R3HDM1: variants seen among roughly 807,000 people sequenced by gnomAD.
R3HDM1 encodes the protein R3H domain-containing protein 1.
In R3HDM1, 46 loss-of-function variants were observed where a neutral mutation model predicts 141.1. The ratio of observed to expected loss-of-function variants is 0.33; its 90% confidence interval spans 0.26 to 0.42. The LOEUF (loss-of-function observed/expected upper bound fraction) is 0.42, where lower values mean the gene tolerates loss of function less well. Among genes scored for constraint, R3HDM1 ranks in the 10% least tolerant of loss-of-function variants. The pLI, the probability that R3HDM1 is intolerant of heterozygous loss-of-function variation, is 1.00. For missense variants in R3HDM1, 1,184 were observed against 1,368.3 expected (o/e 0.87, Z 2.12); for synonymous variants, 435 against 472.9 (o/e 0.92, Z 1.04).
chr2:135,666,544 G>A (rs1314384848), intron 19 of R3HDM1, among the ~76,000 whole-genome samples: 1 of 152,142 alleles, frequency 6.6e-6, no homozygotes, highest in African/African-American at 2.4e-5. Flanking sequence ...GAAATCTGGA[G>A]CCAAATATAT....
intron 5 of R3HDM1, among the ~76,000 whole-genome samples, chr2:135,618,467 T>TTTC (rs2061262565): frequency 6.7e-6 from 1 of 148,768 alleles, no homozygotes; most frequent in African/African-American, 2.5e-5. Context: ...CGGCTGATTT[T>TTTC]TTTTTTTTTT....
chr2:135,583,919 A>T, intron 1 of R3HDM1: 1 of 985,448 alleles, frequency 1.0e-6, no homozygotes, highest in Non-Finnish European at 1.2e-6. Context: ...TTTTTACCTT[A>T]TAACCACAGT....
At chr2:135,603,604 G>GT (rs993300145) in intron 2 of R3HDM1, among the ~76,000 whole-genome samples, 3 of 151,778 alleles carry the variant, frequency 2.0e-5, no homozygotes, top group Non-Finnish European at 2.9e-5. Flanking sequence ...CCATTATTGG[G>GT]TTTTTTTGTT....
At chr2:135,602,474 A>G in intron 1 of R3HDM1, 26 bp from the exon 2 acceptor site, 1 of 1,245,158 alleles carries the variant, frequency 8.0e-7, no homozygotes, top group Non-Finnish European at 1.0e-6. Context: ...ATTTTGTTAA[A>G]ATGGTTTCTT....
chr2:135,688,755 G>A (rs1424609753), intron 21 of R3HDM1, among the ~76,000 whole-genome samples: 1 of 152,114 alleles, frequency 6.6e-6, no homozygotes, highest in Non-Finnish European at 1.5e-5. Flanking sequence ...GGCCAACATG[G>A]TGAAACACCA....
chr2:135,684,252 G>A (rs532435463), intron 21 of R3HDM1, among the ~76,000 whole-genome samples: 2 of 151,912 alleles, frequency 1.3e-5, no homozygotes, highest in Admixed American at 6.6e-5. Context: ...CACTACGCCC[G>A]GCTAATTTTT....
rs1707317889 is a variant in R3HDM1, at chr2:135,583,914, A to G, written c.-249-18586A>G. The G allele has an allele frequency of 5.1e-6, 5 of 985,314 alleles. No individual in the cohort carries two copies. The Admixed American group carries it at 3.1e-4, about 61-fold the overall frequency. The allele number at this position is 985,314 out of a possible 1,614,324, so 61.0% of individuals were successfully genotyped here. On this transcript the variant is annotated intron_variant, in intron 1 of 26. Transcript: ENST00000683871. Reference sequence around the variant, plus strand: ...TCATTCAGATGGGTATTATCTTTTTACCTTATAACCACAGTTAAACCCTGT... The same window carrying G: ...TCATTCAGATGGGTATTATCTTTTTGCCTTATAACCACAGTTAAACCCTGT...
chr2:135,624,473 G>A (rs1467063127), intron 7 of R3HDM1, among the ~76,000 whole-genome samples: 1 of 151,950 alleles, frequency 6.6e-6, no homozygotes, highest in Non-Finnish European at 1.5e-5. Context: ...ACTATCGTCA[G>A]CAAGGGATAA....
intron 5 of R3HDM1, among the ~76,000 whole-genome samples, chr2:135,618,458 G>A (rs1308866771): frequency 2.2e-5 from 3 of 136,168 alleles, no homozygotes; most frequent in South Asian, 2.6e-4. Flanking sequence ...CACCGCGCCC[G>A]GCTGATTTTT....
intron 19 of R3HDM1, chr2:135,666,999 C>A: frequency 3.5e-6 from 2 of 576,732 alleles, no homozygotes; most frequent in Non-Finnish European, 4.4e-6. Context: ...TTAATAGGTA[C>A]TATTAAGTGA....
In R3HDM1 at chr2:135,577,421, A is replaced by G. The variant is rs1326665223; in HGVS notation, c.-249-25079A>G. ...TCTTAATAATTAAATGACCAAAAAA[A>G]AAAAAAAAAAAAAAAAAAAGCCTTG... On this transcript the variant is annotated intron_variant, in intron 1 of 26. Coordinates refer to ENST00000683871, the MANE Select transcript of R3HDM1 (RefSeq NM_001378107.1). 1.0e-4 allele frequency among the ~76,000 whole-genome samples: 15 copies of G among 146,830 alleles called. No homozygotes were observed. In the East Asian group the frequency reaches 2.4e-3, roughly 24 times the overall value.
chr2:135,643,707 A>G (rs1319622723), intron 15 of R3HDM1, among the ~76,000 whole-genome samples: 1 of 152,252 alleles, frequency 6.6e-6, no homozygotes, highest in Non-Finnish European at 1.5e-5. Context: ...ACATGGAATC[A>G]ACCTAAATGC....
intron 21 of R3HDM1, among the ~76,000 whole-genome samples, chr2:135,685,751 G>A (rs185331792): frequency 2.6e-5 from 4 of 152,222 alleles, no homozygotes; most frequent in Admixed American, 2.0e-4. Flanking sequence ...TTAAATATTA[G>A]TTATTAGGTG....
In R3HDM1 at chr2:135,636,309, T is replaced by A. The variant is rs2063240899; in HGVS notation, c.903+126T>A. On this transcript the variant is annotated intron_variant, in intron 11 of 26. Coordinates refer to ENST00000683871, the MANE Select transcript of R3HDM1 (RefSeq NM_001378107.1). ...CACATTTGTTGCACATAAGGTCATC[T>A]TTTAGAAATATTGAGATCAGTTTTG... 1.4e-5 allele frequency: 20 copies of A among 1,400,174 alleles called. No individual in the cohort carries two copies. The South Asian group carries it at 3.4e-4, about 24-fold the overall frequency. The allele number at this position is 1,400,174 out of a possible 1,614,324, so 86.7% of individuals were successfully genotyped here.
intron 1 of R3HDM1, chr2:135,543,156 G>A (rs1697983103): frequency 2.2e-6 from 2 of 890,140 alleles, no homozygotes; most frequent in Admixed American, 6.2e-5. Flanking sequence ...TGTGTATGGT[G>A]TGAGATAGGG....
At chr2:135,569,551 G>C (rs1703579024) in intron 1 of R3HDM1, among the ~76,000 whole-genome samples, 1 of 151,956 alleles carries the variant, frequency 6.6e-6, no homozygotes, top group Non-Finnish European at 1.5e-5. Context: ...ATGGATTATA[G>C]AGCCAGACCA....
chr2:135,635,236 A>G (rs2063139938), intron 9 of R3HDM1, among the ~76,000 whole-genome samples: 1 of 152,214 alleles, frequency 6.6e-6, no homozygotes, highest in African/African-American at 2.4e-5. Flanking sequence ...ATATTTTATT[A>G]CTTTCAGGTA....
chr2:135,551,211 TTAG>T (rs1699783190), intron 1 of R3HDM1, among the ~76,000 whole-genome samples: 1 of 152,160 alleles, frequency 6.6e-6, no homozygotes, highest in South Asian at 2.1e-4. Context: ...TGGCAGTAGG[TTAG>T]TAGGAGATGC....
At position 135,714,764 on chromosome 2, in the gene R3HDM1, T is replaced by TACACAC. The variant is rs144894901; in HGVS notation, c.2737-764_2737-759dup. Reference sequence around the variant, plus strand: ...ATATATATGTATATATATGGGTGTATACACACACACACACACACACACACA... The same window carrying TACACAC: ...ATATATATGTATATATATGGGTGTATACACACACACACACACACACACACACACACA... On this transcript the variant is annotated intron_variant, in intron 23 of 26. Coordinates refer to ENST00000683871, the MANE Select transcript of R3HDM1 (RefSeq NM_001378107.1). Among the ~76,000 whole-genome samples, 578 of 146,852 alleles carry TACACAC rather than the reference T, an allele frequency of 3.9e-3. 2 individuals carry two copies. The highest frequency in any genetic ancestry group is 1.0e-2 in the African/African-American group (403 of 40,326).
Sources: gnomAD v4.1 joint callset for allele counts (sites outside exome capture counted in the v4.1 genomes callset) on GRCh38, gnomAD v4.1.1 for gene constraint, MANE v1.5 for transcripts, NCBI Gene and HGNC (gene_info 2026-07-23, HGNC 2026-07-21) for gene names.